Variants in COBL observed in about 807,000 individuals in gnomAD.
COBL encodes the protein cordon-bleu WH2 repeat protein.
A neutral mutation model predicts 98.8 loss-of-function variants in COBL; 51 were observed. That is an observed-to-expected ratio of 0.52 (90% CI 0.41 to 0.65). The LOEUF (loss-of-function observed/expected upper bound fraction) is 0.65, where lower values mean the gene tolerates loss of function less well. COBL is among the 30% of genes least tolerant of loss of function. The pLI is 0.00. For missense variants in COBL, 1,617 were observed against 1,617.5 expected (o/e 1.00, Z 0.01); for synonymous variants, 634 against 651.7 (o/e 0.97, Z 0.41).
intron 1 of COBL, among the ~76,000 whole-genome samples, chr7:51,303,620 A>G (rs1802197780): frequency 6.6e-6 from 1 of 152,220 alleles, no homozygotes; most frequent in South Asian, 2.1e-4. Context: ...ATTTATTTAT[A>G]TGAAGTTAAT....
rs377762251 is a variant in COBL at position 51,266,738 on chromosome 7, G to A, written c.42-46794C>T. 1.5e-4 allele frequency among the ~76,000 whole-genome samples: 23 copies of A among 152,232 alleles called. No individual in the cohort carries two copies. The East Asian group carries it at 3.3e-3, about 22-fold the overall frequency. On this transcript the variant is annotated intron_variant, in intron 1 of 12. Coordinates refer to ENST00000265136, the MANE Select transcript of COBL (RefSeq NM_015198.5). Reference sequence around the variant, plus strand: ...AATGGACGGAAGGAAAGGACTCTACGACACAAGCACCCACACACAGTTTTT... The same window carrying A: ...AATGGACGGAAGGAAAGGACTCTACAACACAAGCACCCACACACAGTTTTT...
chr7:51,126,852 GC>G (rs1798258535), intron 6 of COBL, among the ~76,000 whole-genome samples: 1 of 152,112 alleles, frequency 6.6e-6, no homozygotes, highest in African/African-American at 2.4e-5. Context: ...AATTCAAGGT[GC>G]TCCCCCTCTT....
intron 2 of COBL, among the ~76,000 whole-genome samples, chr7:51,196,295 T>C (rs1365102072): frequency 6.6e-6 from 1 of 152,234 alleles, no homozygotes; most frequent in Non-Finnish European, 1.5e-5. Context: ...TGTGATGAAA[T>C]ACATTTATTG....
At position 51,043,577 on chromosome 7, in the gene COBL, G is replaced by A. The variant is rs758909898; in HGVS notation, c.1212C>T (p.Thr404=). 4.8e-5 allele frequency: 78 copies of A among 1,614,014 alleles called. No individual in the cohort carries two copies. The Admixed American group carries it at 1.2e-3, about 25-fold the overall frequency. The change falls in exon 8 of 13, where the codon ACC becomes ACT. Residue 404 remains threonine, a synonymous_variant. Transcript: ENST00000265136. ...VGSCFASEDT[T]EDSGVMSSPS... ...GGGAACTCATCACTCCTGAGTCCTCGGTCGTGTCCTCCGACGCAAAACAGC... is the reference window on the plus strand; with the variant it reads ...GGGAACTCATCACTCCTGAGTCCTCAGTCGTGTCCTCCGACGCAAAACAGC...
intron 1 of COBL, among the ~76,000 whole-genome samples, chr7:51,223,233 T>G (rs947224897): frequency 2.0e-5 from 3 of 152,224 alleles, no homozygotes; most frequent in Non-Finnish European, 4.4e-5. Context: ...CCCAGCAGAG[T>G]GCTGTGAGCA....
intron 2 of COBL, among the ~76,000 whole-genome samples, chr7:51,209,340 C>T (rs1792177111): frequency 6.6e-6 from 1 of 152,188 alleles, no homozygotes; most frequent in Non-Finnish European, 1.5e-5. Flanking sequence ...TAAGGAAGAG[C>T]AGGTGCCAGT....
intron 6 of COBL, among the ~76,000 whole-genome samples, chr7:51,086,205 G>C (rs1018658338): frequency 1.3e-5 from 2 of 151,800 alleles, no homozygotes; most frequent in Admixed American, 1.3e-4. Flanking sequence ...TATGTGCAAA[G>C]AATGGGCCAG....
intron 7 of COBL, among the ~76,000 whole-genome samples, chr7:51,069,944 T>C (rs1254157699): frequency 1.3e-5 from 2 of 152,234 alleles, no homozygotes; most frequent in Non-Finnish European, 2.9e-5. Context: ...ATAATCTCAA[T>C]AGATCTAATC....
intron 7 of COBL, among the ~76,000 whole-genome samples, chr7:51,059,203 C>T (rs1185940429): frequency 3.9e-5 from 6 of 152,072 alleles, no homozygotes; most frequent in Non-Finnish European, 5.9e-5. Context: ...ATGTATAGCT[C>T]GTATTTATTT....
chr7:51,088,286 C>T (rs149833559), intron 6 of COBL, among the ~76,000 whole-genome samples: 279 of 152,152 alleles, frequency 1.8e-3, no homozygotes, highest in Middle Eastern at 6.8e-3. Context: ...ACTGAGGATT[C>T]TAATTCAATT....
intron 1 of COBL, among the ~76,000 whole-genome samples, chr7:51,274,437 C>T (rs997031879): frequency 3.3e-5 from 5 of 152,234 alleles, no homozygotes; most frequent in African/African-American, 7.2e-5. Flanking sequence ...AGGCTCCTGA[C>T]TGCATTCCAC....
chr7:51,224,380 A>AATG (rs35456904), intron 1 of COBL, among the ~76,000 whole-genome samples: 1 of 54 alleles, frequency 0.019, no homozygotes, highest in Non-Finnish European at 0.045. Context: ...GAGATTGCAG[A>AATG]ATAAATGTTC....
intron 1 of COBL, among the ~76,000 whole-genome samples, chr7:51,228,889 T>C (rs1004431051): frequency 3.9e-5 from 6 of 152,044 alleles, no homozygotes; most frequent in African/African-American, 1.4e-4. Flanking sequence ...CATTGTTCAA[T>C]ATTATAGAAA....
chr7:51,111,352 A>C (rs1276224492), intron 6 of COBL, among the ~76,000 whole-genome samples: 3 of 152,164 alleles, frequency 2.0e-5, no homozygotes, highest in Non-Finnish European at 4.4e-5. Flanking sequence ...CTCTTTGATA[A>C]CAAGCCCTTC....
chr7:51,099,363 T>C (rs897841972), intron 6 of COBL, among the ~76,000 whole-genome samples: 6 of 152,204 alleles, frequency 3.9e-5, no homozygotes, highest in Non-Finnish European at 8.8e-5. Flanking sequence ...AACATAAATA[T>C]CTATTGATGG....
intron 1 of COBL, among the ~76,000 whole-genome samples, chr7:51,294,329 T>TAAAA (rs201879039): frequency 9.0e-6 from 1 of 111,520 alleles, no homozygotes; most frequent in African/African-American, 3.1e-5. Context: ...AATAAATAAA[T>TAAAA]AAAAATAAAT....
intron 1 of COBL, among the ~76,000 whole-genome samples, chr7:51,300,549 A>G (rs191833652): frequency 6.6e-6 from 1 of 152,232 alleles, no homozygotes; most frequent in African/African-American, 2.4e-5. Context: ...GTGTGTTAGA[A>G]GGAGCCATGT....
At chr7:51,225,599 C>A (rs546514529) in intron 1 of COBL, among the ~76,000 whole-genome samples, 2 of 152,328 alleles carry the variant, frequency 1.3e-5, no homozygotes, top group Admixed American at 6.5e-5. Context: ...TGTGCCCTGG[C>A]AGGAACTGTT....
At chr7:51,274,963 T>A (rs1799156009) in intron 1 of COBL, among the ~76,000 whole-genome samples, 1 of 152,210 alleles carries the variant, frequency 6.6e-6, no homozygotes, top group South Asian at 2.1e-4. Context: ...TTGTCTGAAG[T>A]GGGAAACACC....
Sources: gnomAD v4.1 joint callset for allele counts (sites outside exome capture counted in the v4.1 genomes callset) on GRCh38, gnomAD v4.1.1 for gene constraint, MANE v1.5 for transcripts, NCBI Gene and HGNC (gene_info 2026-07-23, HGNC 2026-07-21) for gene names.